Variants in SMAP1 observed in about 807,000 individuals in gnomAD.
SMAP1 encodes the protein small ArfGAP 1.
SMAP1 carries 24 observed loss-of-function variants against 58.5 expected under a neutral mutation model. The observed-to-expected ratio is 0.41, with a 90% confidence interval of 0.30 to 0.58. SMAP1 has a LOEUF of 0.58. SMAP1 is among the 20% of genes least tolerant of loss of function. The pLI is 0.29. For missense variants in SMAP1, 563 were observed against 566.3 expected (o/e 0.99, Z 0.06); for synonymous variants, 216 against 196.6 (o/e 1.10, Z -0.82).
At chr6:70,677,700 A>G (rs1581983692) in intron 1 of SMAP1, among the ~76,000 whole-genome samples, 1 of 152,062 alleles carries the variant, frequency 6.6e-6, no homozygotes, top group Non-Finnish European at 1.5e-5. Context: ...TTTGAGTCCT[A>G]TTGAGATATG....
intron 7 of SMAP1, among the ~76,000 whole-genome samples, chr6:70,843,333 G>A (rs1258750812): frequency 6.6e-6 from 1 of 152,128 alleles, no homozygotes; most frequent in Non-Finnish European, 1.5e-5. Flanking sequence ...TCTAACCCAA[G>A]TATTAAATTA....
intron 2 of SMAP1, among the ~76,000 whole-genome samples, chr6:70,736,385 T>C (rs1251723639): frequency 1.3e-5 from 2 of 152,100 alleles, no homozygotes; most frequent in Non-Finnish European, 2.9e-5. Context: ...TACTATAGCT[T>C]CCTTCCCCTC....
At chr6:70,711,298 A>G (rs748645906) in intron 1 of SMAP1, among the ~76,000 whole-genome samples, 27 of 152,190 alleles carry the variant, frequency 1.8e-4, no homozygotes, top group African/African-American at 6.0e-4. Context: ...AATAATTACA[A>G]TGTCTCTAGG....
At chr6:70,692,152 A>T (rs1424847362) in intron 1 of SMAP1, among the ~76,000 whole-genome samples, 7 of 152,140 alleles carry the variant, frequency 4.6e-5, no homozygotes, top group Admixed American at 2.6e-4. Flanking sequence ...ATGATATCTC[A>T]TTGTAATTTT....
chr6:70,705,252 ATTTTT>A (rs869145071), intron 1 of SMAP1, among the ~76,000 whole-genome samples: 4 of 138,052 alleles, frequency 2.9e-5, no homozygotes, highest in African/African-American at 8.0e-5. Flanking sequence ...GTTCATTATG[ATTTTT>A]TTTTTTTTTT....
At chr6:70,826,376 A>G (rs776842821) in intron 6 of SMAP1, among the ~76,000 whole-genome samples, 1 of 152,076 alleles carries the variant, frequency 6.6e-6, no homozygotes, top group Non-Finnish European at 1.5e-5. Flanking sequence ...CATGGATTCT[A>G]TGCAAAATTC....
chr6:70,769,260 A>G (rs1582146994), intron 3 of SMAP1, among the ~76,000 whole-genome samples: 1 of 152,324 alleles, frequency 6.6e-6, no homozygotes, highest in African/African-American at 2.4e-5. Flanking sequence ...GTAGATGTCT[A>G]TTAAGTCCGC....
intron 6 of SMAP1, among the ~76,000 whole-genome samples, chr6:70,799,926 G>T (rs1377991187): frequency 6.6e-6 from 1 of 151,992 alleles, no homozygotes; most frequent in Non-Finnish European, 1.5e-5. Context: ...GTGTTGTCAG[G>T]GATTTTAGCA....
intron 5 of SMAP1, among the ~76,000 whole-genome samples, chr6:70,798,142 A>C (rs1768686037): frequency 6.6e-6 from 1 of 152,020 alleles, no homozygotes; most frequent in African/African-American, 2.4e-5. Flanking sequence ...CCTTTTTCTA[A>C]AGCAAAATCT....
At chr6:70,737,644 T>C (rs1157209315) in intron 2 of SMAP1, among the ~76,000 whole-genome samples, 1 of 152,246 alleles carries the variant, frequency 6.6e-6, no homozygotes, top group Non-Finnish European at 1.5e-5. Context: ...ATTTATCATA[T>C]GTGTCTTTGT....
chr6:70,763,449 T>A (rs1766838544), intron 3 of SMAP1, among the ~76,000 whole-genome samples: 1 of 152,206 alleles, frequency 6.6e-6, no homozygotes, highest in Non-Finnish European at 1.5e-5. Context: ...TTTCCCTTTC[T>A]TTTCCTCTGC....
chr6:70,860,464 AT>A lies in SMAP1; in HGVS notation c.*132del. On this transcript the variant is annotated 3_prime_UTR_variant, in exon 11 of 11. Transcript: ENST00000370455. ...ATTTGTTCATATTAAGAATGATCTGATTGACCGTGTTGGTCTGTACTGATTC... is the reference window on the plus strand; with the variant it reads ...ATTTGTTCATATTAAGAATGATCTGATGACCGTGTTGGTCTGTACTGATTC... 8.8e-7 allele frequency: 1 copy of A among 1,131,866 alleles called. No individual in the cohort carries two copies. The highest frequency in any genetic ancestry group is 1.2e-6 in the Non-Finnish European group (1 of 817,080). 70.1% of individuals were successfully genotyped at this position (1,131,866 alleles called of 1,614,324 possible).
At chr6:70,792,841 G>C (rs377554498) in intron 5 of SMAP1, among the ~76,000 whole-genome samples, 2 of 151,970 alleles carry the variant, frequency 1.3e-5, no homozygotes, top group Admixed American at 6.6e-5. Flanking sequence ...TTAAGCGTTG[G>C]GGGGTGGGTG....
intron 1 of SMAP1, among the ~76,000 whole-genome samples, chr6:70,691,640 T>G (rs1767172880): frequency 6.6e-6 from 1 of 152,186 alleles, no homozygotes; most frequent in African/African-American, 2.4e-5. Flanking sequence ...GTAATCATCA[T>G]TCTACTCTCT....
chr6:70,828,081 A>C (rs954228854), intron 6 of SMAP1, among the ~76,000 whole-genome samples: 2 of 152,206 alleles, frequency 1.3e-5, no homozygotes, highest in Non-Finnish European at 2.9e-5. Flanking sequence ...TATATAATTC[A>C]GTTTTGAAAG....
intron 2 of SMAP1, among the ~76,000 whole-genome samples, chr6:70,740,681 G>C (rs1765778186): frequency 6.6e-6 from 1 of 152,070 alleles, no homozygotes; most frequent in Non-Finnish European, 1.5e-5. Flanking sequence ...GAGTTTGTAG[G>C]GGCTAGACTG....
intron 1 of SMAP1, among the ~76,000 whole-genome samples, chr6:70,673,073 A>G (rs1460536663): frequency 6.6e-6 from 1 of 152,146 alleles, no homozygotes; most frequent in Non-Finnish European, 1.5e-5. Context: ...AATTCACACA[A>G]TGTCAATATA....
At chr6:70,679,219 A>G (rs577312215) in intron 1 of SMAP1, among the ~76,000 whole-genome samples, 4 of 152,090 alleles carry the variant, frequency 2.6e-5, no homozygotes, top group East Asian at 1.9e-4. Flanking sequence ...GAGTTTTGCT[A>G]TGTTGGCCAG....
intron 2 of SMAP1, among the ~76,000 whole-genome samples, chr6:70,736,201 C>T (rs1490604115): frequency 6.6e-6 from 1 of 152,040 alleles, no homozygotes; most frequent in African/African-American, 2.4e-5. Flanking sequence ...ATAGTTGTTA[C>T]CCAAAACTTA....
Sources: allele counts gnomAD v4.1 joint callset (sites outside exome capture counted in the v4.1 genomes callset), GRCh38; gene constraint gnomAD v4.1.1; transcripts MANE v1.5; gene names NCBI Gene and HGNC (gene_info 2026-07-23, HGNC 2026-07-21).